The following PDE1A variants were observed in gnomAD, a reference collection of about 807,000 sequenced individuals.
The protein encoded by PDE1A is phosphodiesterase 1A, also known as dual specificity calcium/calmodulin-dependent 3',5'-cyclic nucleotide phosphodiesterase 1A.
Under a neutral mutation model 61.7 loss-of-function variants are expected in PDE1A, and 35 were observed. The observed-to-expected ratio is 0.57, with a 90% confidence interval of 0.43 to 0.75. The LOEUF (loss-of-function observed/expected upper bound fraction) is 0.75, where lower values mean the gene tolerates loss of function less well. Among genes scored for constraint, PDE1A ranks in the 30% least tolerant of loss-of-function variants. The pLI is 0.00. For missense variants in PDE1A, 597 were observed against 630.6 expected (o/e 0.95, Z 0.57); for synonymous variants, 232 against 213.2 (o/e 1.09, Z -0.77).
intron 10 of PDE1A, among the ~76,000 whole-genome samples, chr2:182,200,558 C>T (rs1454109852): frequency 6.6e-6 from 1 of 152,186 alleles, no homozygotes; most frequent in East Asian, 1.9e-4. Context: ...GCATCCAAGA[C>T]CCTCCCAGAC....
the PDE1A span, among the ~76,000 whole-genome samples, chr2:182,554,676 G>A: frequency 2.6e-4 from 39 of 152,186 alleles, no homozygotes; most frequent in African/African-American, 8.4e-4. Context: ...TTATACGAAG[G>A]AAATAATGCA....
At chr2:182,150,133 T>A (rs1282281044) in intron 13 of PDE1A, among the ~76,000 whole-genome samples, 1 of 152,150 alleles carries the variant, frequency 6.6e-6, no homozygotes, top group African/African-American at 2.4e-5. Flanking sequence ...AATAGATATA[T>A]AGTTCTATTG....
At chr2:182,521,010 G>A (rs1280058315) in intron 2 of PDE1A, among the ~76,000 whole-genome samples, 2 of 151,914 alleles carry the variant, frequency 1.3e-5, no homozygotes, top group Admixed American at 1.3e-4. Flanking sequence ...ATGTAAAGAT[G>A]GCTTCCTTTT....
At chr2:182,564,417 G>A in the PDE1A span, among the ~76,000 whole-genome samples, 1 of 152,192 alleles carries the variant, frequency 6.6e-6, no homozygotes, top group South Asian at 2.1e-4. Flanking sequence ...TTTCTGCCGA[G>A]AGATCTGCTG....
At chr2:182,432,891 T>C (rs113057012) in intron 2 of PDE1A, among the ~76,000 whole-genome samples, 82 of 152,160 alleles carry the variant, frequency 5.4e-4, no homozygotes, top group African/African-American at 1.7e-3. Context: ...CATCTACAGC[T>C]AAAATCCAGG....
intron 1 of PDE1A, among the ~76,000 whole-genome samples, chr2:182,301,334 C>T (rs1159320913): frequency 2.6e-5 from 4 of 152,124 alleles, no homozygotes; most frequent in Non-Finnish European, 5.9e-5. Context: ...CCTTTAAATG[C>T]CAGTGGCTAC....
intron 2 of PDE1A, among the ~76,000 whole-genome samples, chr2:182,484,552 G>A (rs987300815): frequency 2.6e-5 from 4 of 151,830 alleles, no homozygotes; most frequent in East Asian, 1.9e-4. Context: ...ACAGCCAAAG[G>A]AACTATTGAC....
chr2:182,326,189 T>C (rs938998087), intron 1 of PDE1A, among the ~76,000 whole-genome samples: 9 of 152,164 alleles, frequency 5.9e-5, no homozygotes, highest in Non-Finnish European at 5.9e-5. Flanking sequence ...TGTGCATTAC[T>C]GGTGAGAATA....
the PDE1A span, among the ~76,000 whole-genome samples, chr2:182,578,873 T>C: frequency 5.9e-5 from 9 of 152,306 alleles, no homozygotes; most frequent in African/African-American, 2.2e-4. Flanking sequence ...TCTCACATGG[T>C]GACCTTGTTG....
At chr2:182,618,172 A>G in the PDE1A span, among the ~76,000 whole-genome samples, 2 of 152,202 alleles carry the variant, frequency 1.3e-5, no homozygotes, top group African/African-American at 4.8e-5. Context: ...ATCAAGAGAA[A>G]GAATTAGACA....
chr2:182,433,645 G>A (rs1266809132), intron 2 of PDE1A, among the ~76,000 whole-genome samples: 1 of 152,058 alleles, frequency 6.6e-6, no homozygotes, highest in African/African-American at 2.4e-5. Flanking sequence ...CATCAAAATG[G>A]AAGATAGACA....
At chr2:182,671,091 T>TA in the PDE1A span, among the ~76,000 whole-genome samples, 1 of 152,130 alleles carries the variant, frequency 6.6e-6, no homozygotes, top group Non-Finnish European at 1.5e-5. Flanking sequence ...GTGCTGGTAT[T>TA]ACAGGCATCC....
At chr2:182,427,418 T>A (rs897448858), upstream of PDE1A, among the ~76,000 whole-genome samples, 4 of 152,142 alleles carry the variant, frequency 2.6e-5, no homozygotes, top group Non-Finnish European at 5.9e-5. Flanking sequence ...TAATTTCTAC[T>A]GGTGACATTA....
chr2:182,583,351 T>C, the PDE1A span, among the ~76,000 whole-genome samples: 2 of 152,218 alleles, frequency 1.3e-5, no homozygotes, highest in Non-Finnish European at 2.9e-5. Context: ...AAAGATATAG[T>C]AGAAATCTGT....
rs145059993 is a variant in PDE1A, at chr2:182,512,654, AT to A, written c.101+9621del. ...CAGAATCTGGATGGCATGGAAAATT[AT>A]TGCAATTCAAGAGAAACTTGAAACC... On this transcript the variant is annotated intron_variant, in intron 2 of 14. Coordinates refer to the PDE1A transcript ENST00000410103. Among the ~76,000 whole-genome samples the A allele has an allele frequency of 8.1e-3, 1,240 of 152,336 alleles. 26 individuals are homozygous for A. Among genetic ancestry groups the A allele is most frequent in the African/African-American group, 0.028 (1,155 of 41,580 alleles).
At chr2:182,294,144 A>G (rs1694720767) in intron 1 of PDE1A, among the ~76,000 whole-genome samples, 1 of 152,208 alleles carries the variant, frequency 6.6e-6, no homozygotes, top group Non-Finnish European at 1.5e-5. Flanking sequence ...CGAATTGTTT[A>G]TTTCTAGAAT....
intron 1 of PDE1A, among the ~76,000 whole-genome samples, chr2:182,362,400 AAGAC>A (rs1376562740): frequency 6.6e-6 from 1 of 151,976 alleles, no homozygotes. Flanking sequence ...ATCTCACACT[AAGAC>A]AGGAACAGGT....
chr2:182,334,286 A>T, intron 1 of PDE1A, among the ~76,000 whole-genome samples: 1 of 151,650 alleles, frequency 6.6e-6, no homozygotes, highest in East Asian at 1.9e-4. Flanking sequence ...ACACACACAC[A>T]CACATGCACA....
At chr2:182,315,253 T>G (rs1203955248) in intron 1 of PDE1A, among the ~76,000 whole-genome samples, 1 of 152,190 alleles carries the variant, frequency 6.6e-6, no homozygotes, top group East Asian at 1.9e-4. Flanking sequence ...TTAATAAGTT[T>G]GAAACTATTA....
Sources: allele counts gnomAD v4.1 joint callset (sites outside exome capture counted in the v4.1 genomes callset), GRCh38; gene constraint gnomAD v4.1.1; transcripts MANE v1.5; gene names NCBI Gene and HGNC (gene_info 2026-07-23, HGNC 2026-07-21).